RPTN: variants seen among roughly 807,000 people sequenced by gnomAD.
RPTN encodes the protein repetin.
RPTN carries 4 observed loss-of-function variants against 3.6 expected under a neutral mutation model. That is an observed-to-expected ratio of 1.12 (90% confidence interval 0.55 to 2.55). The LOEUF (loss-of-function observed/expected upper bound fraction) is 2.55, where lower values mean the gene tolerates loss of function less well. RPTN is among the 30% of genes most tolerant of loss of function. The pLI is 0.02. For synonymous variants in RPTN, 293 were observed against 319.3 expected (o/e 0.92, Z 0.88); for missense variants, 860 against 916.7 (o/e 0.94, Z 0.80).
chr1:152,157,564 T>TGC lies in RPTN; in HGVS notation c.138+187_138+188insGC, dbSNP rs1393375365. 2.9e-5 allele frequency among the ~76,000 whole-genome samples: 4 copies of TGC among 136,088 alleles called. No homozygotes were observed. In the South Asian group the frequency reaches 8.9e-4, roughly 30 times the overall value. 89.3% of individuals were successfully genotyped at this position (136,088 alleles called of 152,430 possible). A position where few individuals can be genotyped will look rare whatever the true frequency, so the allele number is the denominator to read the frequency against. On this transcript the variant is annotated intron_variant, in intron 2 of 2. Transcript: ENST00000316073. Reference sequence around the variant, plus strand: ...TCAAATTCAGATACAAGGAGGTGTGTGTGTGTGTGTGTGTGTGTGTGTGTG... The same window carrying TGC: ...TCAAATTCAGATACAAGGAGGTGTGTGCGTGTGTGTGTGTGTGTGTGTGTGTG...
intron 2 of RPTN, among the ~76,000 whole-genome samples, chr1:152,157,355 G>A (rs1234952590): frequency 1.3e-5 from 2 of 152,234 alleles, no homozygotes; most frequent in African/African-American, 4.8e-5. Flanking sequence ...TAGGGGCATA[G>A]AGCAGGTGCT....
At position 152,155,638 on chromosome 1, in the gene RPTN, A is replaced by C; in HGVS notation, c.1461T>G (p.Tyr487Ter). The C allele has an allele frequency of 6.2e-7, 1 of 1,600,034 alleles. No homozygotes were observed. Among genetic ancestry groups the C allele is most frequent in the Non-Finnish European group, 8.5e-7 (1 of 1,171,768 alleles). Residue 487 changes from tyrosine (Y) to a stop codon, truncating the protein, a stop_gained, in exon 3 of 3, where the codon TAT becomes TAG. Transcript: ENST00000316073. LOFTEE classifies it low-confidence loss of function (END_TRUNC). ...TCTGGTCTTGTCTGTCTATCTTACC[A>C]TAGTGGGAACTCTGGCCTTGTTTGT... is the stretch of plus-strand genomic sequence containing the variant. Reference protein sequence around the residue: ...QPDKQGQSSHYGKIDRQDQSY... With the variant: ...QPDKQGQSSH
rs908924382 is a variant in RPTN at position 152,153,626 on chromosome 1, A to C, written c.*1118T>G. The stretch of plus-strand genomic sequence containing the variant: ...TCATCAATTATTTATTAGATATTTT[A>C]ATACAATTCATAATCTGCACATAGA... On this transcript the variant is annotated 3_prime_UTR_variant, in exon 3 of 3. Transcript: ENST00000316073. 3 of 152,292 alleles carry C rather than the reference A, an allele frequency of 2.0e-5. No individual in the cohort carries two copies. Among genetic ancestry groups the C allele is most frequent in the Admixed American group, 6.5e-5 (1 of 15,286 alleles). The allele number at this position is 152,292 out of a possible 1,614,324, so 9.4% of individuals were successfully genotyped here.
chr1:152,157,305 AG>A (rs1394589810), intron 2 of RPTN, among the ~76,000 whole-genome samples: 4 of 152,008 alleles, frequency 2.6e-5, no homozygotes, highest in Non-Finnish European at 5.9e-5. Flanking sequence ...TCCTAGAGGG[AG>A]GGGGAGCTGA....
chr1:152,157,638 T>A, intron 2 of RPTN, 114 bp downstream of exon 2: 1 of 976,488 alleles, frequency 1.0e-6, no homozygotes, highest in Non-Finnish European at 1.5e-6. Context: ...CTGCCTGAAA[T>A]TCCTTTTCTT....
At position 152,154,933 on chromosome 1, in the gene RPTN, C is replaced by G; in HGVS notation, c.2166G>C (p.Gln722His). The G allele has an allele frequency of 6.2e-7, 1 of 1,614,118 alleles. No individual in the cohort carries two copies. The highest frequency in any genetic ancestry group is 8.5e-7 in the Non-Finnish European group (1 of 1,180,030). The change falls in exon 3 of 3, where the codon CAG (glutamine) becomes CAC (histidine). Residue 722 changes from glutamine to histidine, a missense_variant. Gln to His is a conservative substitution (Grantham distance 24). Transcript: ENST00000316073. The stretch of plus-strand genomic sequence containing the variant: ...TGTCCTGTGTCCCACATGGACCTTC[C>G]TGACTCTCATGGCTGTGTCTATCCC... ...QTWDRHSHES[Q>H]EGPCGTQDRR...
Position 152,156,789 on chromosome 1 carries a change from C to T in RPTN, c.310G>A (p.Gly104Arg), listed in dbSNP as rs374362821. The T allele has an allele frequency of 6.2e-7, 1 of 1,614,174 alleles. No individual in the cohort carries two copies. ...HGGRTSQQER[G>R]QEGAQDCKFP... ...TTACAGTCTTGTGCTCCTTCCTGCCCCCTTTCTTGCTGTGAGGTCCTGCCT... is the reference window on the plus strand; with the variant it reads ...TTACAGTCTTGTGCTCCTTCCTGCCTCCTTTCTTGCTGTGAGGTCCTGCCT... The change falls in exon 3 of 3, where the codon GGG becomes AGG. Residue 104 changes from glycine (G) to arginine (R), a missense_variant. Coordinates refer to ENST00000316073, the MANE Select transcript of RPTN (RefSeq NM_001122965.1).
chr1:152,157,830 T>C lies in RPTN; in HGVS notation c.60A>G (p.Lys20=), dbSNP rs1042919819. The C allele has an allele frequency of 2.5e-6, 4 of 1,613,862 alleles. No individual in the cohort carries two copies. The African/African-American group carries it at 5.3e-5, about 22-fold the overall frequency. Reference sequence around the variant, plus strand: ...ATAGTAAGGCACAGTCCCCATTCCCTTTGGCATATTTGTGGAATACGTCAA... The same window carrying C: ...ATAGTAAGGCACAGTCCCCATTCCCCTTGGCATATTTGTGGAATACGTCAA... ...SVIDVFHKYA[K]GNGDCALLCK... The change falls in exon 2 of 3, where the codon AAA becomes AAG. Residue 20 remains lysine (K), a synonymous_variant. Transcript: ENST00000316073.
At chr1:152,158,767 T>A (rs915041384) in intron 1 of RPTN, among the ~76,000 whole-genome samples, 2 of 152,160 alleles carry the variant, frequency 1.3e-5, no homozygotes, top group African/African-American at 4.8e-5. Flanking sequence ...AGAAAATAAG[T>A]GACAAATAAT....
chr1:152,158,135 T>C (rs1659243530), intron 1 of RPTN, among the ~76,000 whole-genome samples: 1 of 152,050 alleles, frequency 6.6e-6, no homozygotes, highest in African/African-American at 2.4e-5. Flanking sequence ...AGAGACAATT[T>C]CTTAAAAAAC....
chr1:152,156,875 A>T lies in RPTN; in HGVS notation c.224T>A (p.Leu75His). 1 of 1,614,204 alleles carries T rather than the reference A, an allele frequency of 6.2e-7. No homozygotes were observed. The highest frequency in any genetic ancestry group is 8.5e-7 in the Non-Finnish European group (1 of 1,180,024). The change falls in exon 3 of 3, where the codon CTC becomes CAC. Residue 75 changes from leucine (L) to histidine (H), a missense_variant. Transcript: ENST00000316073. ...TTGGACCAACTGGAACACCAACAAG[A>T]GGTACTCATGAAAATCAATATGTCC... ...RDGHIDFHEY[L>H]LLVFQLVQAC...
chr1:152,155,267 TC>T lies in RPTN; in HGVS notation c.1831del (p.Glu611AsnfsTer9), dbSNP rs1489101138. ...TEGTRKASYV[E>X]QSGRSGRLSQ... Reference sequence around the variant, plus strand: ...TAGCCTCCCTGATCTTCCTGATTGTTCAACATAAGAGGCTTTTCTTGTTCCT... The same window carrying T: ...TAGCCTCCCTGATCTTCCTGATTGTTAACATAAGAGGCTTTTCTTGTTCCT... On this transcript the variant is annotated frameshift_variant, in exon 3 of 3. Coordinates refer to ENST00000316073, the MANE Select transcript of RPTN (RefSeq NM_001122965.1). LOFTEE classifies it low-confidence loss of function (END_TRUNC). 8 of 1,614,130 alleles carry T rather than the reference TC, an allele frequency of 5.0e-6. No homozygotes were observed. Among genetic ancestry groups the T allele is most frequent in the Non-Finnish European group, 5.9e-6 (7 of 1,180,050 alleles).
chr1:152,157,782 C>A lies in RPTN; in HGVS notation c.108G>T (p.Leu36=), dbSNP rs1440972146. The part of the protein sequence containing the change: ...ALLCKEELKQ[L]LLAEFGDILQ... ...GGATGTCTCCAAACTCAGCCAAGAG[C>A]AGTTGTTTCAACTCTTCCTTGCATA... Residue 36 remains leucine (L), a synonymous_variant, in exon 2 of 3, where the codon CTG becomes CTT. Transcript: ENST00000316073. The A allele has an allele frequency of 6.2e-7, 1 of 1,613,884 alleles. No individual in the cohort carries two copies. Among genetic ancestry groups the A allele is most frequent in the African/African-American group, 1.3e-5 (1 of 74,892 alleles).
rs770484480 is a variant in RPTN, at chr1:152,156,785, T to C, written c.314A>G (p.Gln105Arg). The change falls in exon 3 of 3, where the codon CAG becomes CGG. Residue 105 changes from glutamine to arginine, a missense_variant. Gln to Arg is a conservative substitution (Grantham distance 43). Transcript: ENST00000316073. ...GGRTSQQERG[Q>R]EGAQDCKFPG... ...GAACTTACAGTCTTGTGCTCCTTCC[T>C]GCCCCCTTTCTTGCTGTGAGGTCCT... 6.2e-7 allele frequency: 1 copy of C among 1,614,218 alleles called. No homozygotes were observed. The highest frequency in any genetic ancestry group is 2.2e-5 in the East Asian group (1 of 44,890).
rs1659190374 is a variant in RPTN at position 152,155,928 on chromosome 1, A to T, written c.1171T>A (p.Tyr391Asn). 1 of 1,613,590 alleles carries T rather than the reference A, an allele frequency of 6.2e-7. No individual in the cohort carries two copies. The highest frequency in any genetic ancestry group is 1.7e-5 in the Admixed American group (1 of 59,970). The change falls in exon 3 of 3, where the codon TAT (tyrosine) becomes AAT (asparagine). Residue 391 changes from tyrosine to asparagine, a missense_variant. Coordinates refer to ENST00000316073, the MANE Select transcript of RPTN (RefSeq NM_001122965.1). ...TGGTCTTGTCTGTCTGTCTGACCAT[A>T]GTGAGAACTCTGATCTTGTGTGTCT... ...QPDTQDQSSH[Y>N]GQTDRQDQSS...
In RPTN at chr1:152,154,781, C is replaced by T; in HGVS notation, c.2318G>A (p.Arg773Lys). 4 of 1,613,894 alleles carry T rather than the reference C, an allele frequency of 2.5e-6. No homozygotes were observed. The highest frequency in any genetic ancestry group is 2.5e-6 in the Non-Finnish European group (3 of 1,179,936). ...EDKQNRQRRDRQTHEDEQNHQ... is the reference protein window; with the variant it reads ...EDKQNRQRRDKQTHEDEQNHQ... ...GTTCTGCTCGTCTTCATGGGTTTGC[C>T]TGTCTCGTCTCTGACGGTTCTGCTT... The change falls in exon 3 of 3, where the codon AGG becomes AAG. Residue 773 changes from arginine (R) to lysine (K), a missense_variant. Physicochemically the swap from Arg to Lys is conservative, Grantham distance 26. Transcript: ENST00000316073.
At position 152,155,324 on chromosome 1, in the gene RPTN, T is replaced by C. The variant is rs763572479; in HGVS notation, c.1775A>G (p.Gln592Arg). The C allele has an allele frequency of 1.9e-6, 3 of 1,614,264 alleles. No individual in the cohort carries two copies. The Admixed American group carries it at 5.0e-5, about 27-fold the overall frequency. Residue 592 changes from glutamine (Q) to arginine (R), a missense_variant, in exon 3 of 3, where the codon CAA (glutamine) becomes CGA (arginine). Gln to Arg is a conservative substitution (Grantham distance 43). Coordinates refer to ENST00000316073, the MANE Select transcript of RPTN (RefSeq NM_001122965.1). ...CCCTTGGAAGTACTTATTTTGCCCT[T>C]GTATTTCCCCAGTCTGTGATTGAAT... ...HYIQSQTGEIQGQNKYFQGTE... is the reference protein window; with the variant it reads ...HYIQSQTGEIRGQNKYFQGTE...
intron 2 of RPTN, 83 bp from the exon 3 acceptor site, chr1:152,157,043 A>G (rs887985570): frequency 1.2e-5 from 15 of 1,227,318 alleles, no homozygotes; most frequent in Middle Eastern, 1.9e-4. Context: ...GCCCCAATCC[A>G]TTCGGTGCTG....
chr1:152,156,243 T>C lies in RPTN; in HGVS notation c.856A>G (p.Thr286Ala), dbSNP rs754941197. 2 of 1,614,214 alleles carry C rather than the reference T, an allele frequency of 1.2e-6. No homozygotes were observed. The highest frequency in any genetic ancestry group is 1.7e-5 in the Admixed American group (1 of 60,022). Residue 286 changes from threonine (T) to alanine (A), a missense_variant, in exon 3 of 3, where the codon ACA (threonine) becomes GCA (alanine). Coordinates refer to ENST00000316073, the MANE Select transcript of RPTN (RefSeq NM_001122965.1). ...RLGQELGCGQ[T>A]DRQGQSSHYG... ...TGGGAACTCTGGCCTTGTCTGTCTG[T>C]CTGACCACAGCCTAATTCCTGACCT...
Sources: gnomAD v4.1 joint callset for allele counts (sites outside exome capture counted in the v4.1 genomes callset) on GRCh38, gnomAD v4.1.1 for gene constraint, MANE v1.5 for transcripts, NCBI Gene and HGNC (gene_info 2026-07-23, HGNC 2026-07-21) for gene names.